Variants in TOGARAM2 observed in about 807,000 individuals in gnomAD.
TOGARAM2 encodes TOG array regulator of axonemal microtubules 2, also known as TOG array regulator of axonemal microtubules protein 2.
A neutral mutation model predicts 93.3 loss-of-function variants in TOGARAM2; 85 were observed. That is an observed-to-expected ratio of 0.91 (90% CI 0.76 to 1.09). The LOEUF (loss-of-function observed/expected upper bound fraction) is 1.09. Among genes scored for constraint, TOGARAM2 ranks in the 50% least tolerant of loss-of-function variants. The pLI is 0.00. For missense variants in TOGARAM2, 1,277 were observed against 1,334.5 expected (o/e 0.96, Z 0.67); for synonymous variants, 593 against 552.8 (o/e 1.07, Z -1.02).
chr2:29,041,735 C>G (rs1197908822), intron 18 of TOGARAM2, among the ~76,000 whole-genome samples: 2 of 152,180 alleles, frequency 1.3e-5, no homozygotes, highest in African/African-American at 4.8e-5. Flanking sequence ...CAAGGCCAGT[C>G]TTTGCCTCCT....
At chr2:29,009,083 T>C (rs1486043743) in intron 6 of TOGARAM2, among the ~76,000 whole-genome samples, 1 of 152,296 alleles carries the variant, frequency 6.6e-6, no homozygotes, top group East Asian at 1.9e-4. Context: ...AGCCAGGAAG[T>C]CATCAAGGTG....
At chr2:29,045,250 G>A in intron 18 of TOGARAM2, 74 bp from the exon 19 acceptor site, 1 of 1,204,046 alleles carries the variant, frequency 8.3e-7, no homozygotes, top group Non-Finnish European at 1.2e-6. Flanking sequence ...CTGTGGGTAT[G>A]TGGCCCTGCA....
chr2:28,964,042 G>T (rs1174165713), intron 1 of TOGARAM2, among the ~76,000 whole-genome samples: 1 of 152,136 alleles, frequency 6.6e-6, no homozygotes, highest in African/African-American at 2.4e-5. Context: ...ATTGTTGGGT[G>T]CAATGGTCTG....
In TOGARAM2 at chr2:29,017,290, C is replaced by G. The variant is rs1382582661; in HGVS notation, c.1181C>G (p.Ala394Gly). ...TCCCAGTGCCTGGGCTCCCAGAGAG[C>G]CTTCATGAAGGAAGGTACTGGGTGC... ...LTSQCLGSQR[A>G]FMKEGLLPLR... Residue 394 changes from alanine to glycine, a missense_variant, in exon 9 of 20, where the codon GCC (alanine) becomes GGC (glycine). Transcript: ENST00000379558. 1.2e-6 allele frequency: 2 copies of G among 1,607,678 alleles called. No homozygotes were observed. Among genetic ancestry groups the G allele is most frequent in the Non-Finnish European group, 8.5e-7 (1 of 1,177,260 alleles).
At chr2:28,989,476 C>A (rs1400737306) in intron 1 of TOGARAM2, among the ~76,000 whole-genome samples, 1 of 152,078 alleles carries the variant, frequency 6.6e-6, no homozygotes, top group Non-Finnish European at 1.5e-5. Context: ...CAGCTCACTG[C>A]AGCCTCAACC....
At position 29,017,972 on chromosome 2, in the gene TOGARAM2, T is replaced by G. The variant is rs1468771437; in HGVS notation, c.1360+16T>G. 7 of 1,583,598 alleles carry G rather than the reference T, an allele frequency of 4.4e-6. No individual in the cohort carries two copies. In the African/African-American group the frequency reaches 5.4e-5, roughly 12 times the overall value. On this transcript the variant is annotated intron_variant, in intron 10 of 19. Transcript: ENST00000379558. ...CACGCCTCAGGTGGGCAGGCCCGAC[T>G]GGCAGGCACACGTGTCCCTCTGCCC...
At chr2:28,965,456 G>A (rs1286185174) in intron 1 of TOGARAM2, among the ~76,000 whole-genome samples, 1 of 152,136 alleles carries the variant, frequency 6.6e-6, no homozygotes, top group Admixed American at 6.5e-5. Context: ...ATGGCTCTGG[G>A]GTTTATCATG....
chr2:28,994,552 G>A (rs146124910), intron 1 of TOGARAM2, among the ~76,000 whole-genome samples, 173 bp from the exon 2 acceptor site: 4 of 152,176 alleles, frequency 2.6e-5, no homozygotes, highest in African/African-American at 9.7e-5. Context: ...ACACGGCCTC[G>A]CACTTGGGAA....
intron 10 of TOGARAM2, 81 bp from the exon 11 acceptor site, chr2:29,022,077 G>A: frequency 6.3e-7 from 1 of 1,581,378 alleles, no homozygotes; most frequent in East Asian, 2.2e-5. Context: ...GCCTCCCATG[G>A]TGAGCGGTGG....
intron 4 of TOGARAM2, among the ~76,000 whole-genome samples, chr2:29,001,524 C>T (rs951244064): frequency 1.2e-4 from 18 of 150,648 alleles, no homozygotes; most frequent in East Asian, 1.9e-4. Flanking sequence ...TTTTTGAGAC[C>T]GAGTCTTGCT....
rs1457064952 is a variant in TOGARAM2, at chr2:29,002,767, G to A, written c.639+20G>A. The A allele has an allele frequency of 1.2e-6, 2 of 1,605,958 alleles. No individual in the cohort carries two copies. ...CAGGAGGTAAGGTGGTTCGACTGCT[G>A]TGAGTCTGGTCCTCAGCTTCTTGCC... On this transcript the variant is annotated intron_variant, in intron 5 of 19. Transcript: ENST00000379558.
At chr2:29,045,985 C>T (rs1324325746) in intron 19 of TOGARAM2, 1 of 162,700 alleles carries the variant, frequency 6.1e-6, no homozygotes, top group African/African-American at 2.4e-5. Flanking sequence ...GTGCATATGG[C>T]TTGGTCAGTT....
intron 7 of TOGARAM2, among the ~76,000 whole-genome samples, chr2:29,014,194 T>C (rs891371142): frequency 1.3e-5 from 2 of 152,220 alleles, no homozygotes; most frequent in Non-Finnish European, 2.9e-5. Context: ...AATGAACGAA[T>C]GGAGGGTGAT....
At chr2:28,969,503 C>G (rs12475511) in intron 1 of TOGARAM2, among the ~76,000 whole-genome samples, 189 of 152,280 alleles carry the variant, frequency 1.2e-3, no homozygotes, top group Admixed American at 9.3e-3. Flanking sequence ...ACTTGGGTCA[C>G]TCACACCAAT....
chr2:29,025,998 C>A (rs34503529), intron 13 of TOGARAM2, among the ~76,000 whole-genome samples: 5,191 of 152,190 alleles, frequency 0.034, 105 homozygotes, highest in Middle Eastern at 0.075. Flanking sequence ...AACCAGCCAG[C>A]CCCGAGGGGC....
In TOGARAM2 at chr2:29,014,502, T is replaced by C. The variant is rs1353788657; in HGVS notation, c.985T>C (p.Cys329Arg). 1 of 1,583,518 alleles carries C rather than the reference T, an allele frequency of 6.3e-7. No individual in the cohort carries two copies. The highest frequency in any genetic ancestry group is 8.6e-7 in the Non-Finnish European group (1 of 1,164,946). ...APTLTAFSFD[C>R]AREACPPLKE... is the part of the protein sequence containing the mutation. ...CACGCTGACAGCCTTCTCCTTTGAC[T>C]GTGCCAGAGAAGCCTGCCCTCCGCT... is the stretch of plus-strand genomic sequence containing the variant. Residue 329 changes from cysteine to arginine, a missense_variant, in exon 8 of 20, where the codon TGT (cysteine) becomes CGT (arginine). Transcript: ENST00000379558.
At position 29,052,202 on chromosome 2, in the gene TOGARAM2, A is replaced by G. The variant is rs1353194042; in HGVS notation, c.*109A>G. On this transcript the variant is annotated 3_prime_UTR_variant, in exon 20 of 20. Transcript: ENST00000379558. ...AGATGTACATGGTATATTTTGAAGTAGAAATAAAAGAATTACTTATTTTTC... is the reference window on the plus strand; with the variant it reads ...AGATGTACATGGTATATTTTGAAGTGGAAATAAAAGAATTACTTATTTTTC... 4.6e-6 allele frequency: 4 copies of G among 867,590 alleles called. No homozygotes were observed. Among genetic ancestry groups the G allele is most frequent in the Middle Eastern group, 2.4e-4 (1 of 4,226 alleles). The allele number at this position is 867,590 out of a possible 1,614,324, so 53.7% of individuals were successfully genotyped here.
At chr2:28,979,281 C>T (rs960978290), upstream of TOGARAM2, among the ~76,000 whole-genome samples, 1 of 152,236 alleles carries the variant, frequency 6.6e-6, no homozygotes, top group Admixed American at 6.5e-5. Flanking sequence ...GATTCGCTCT[C>T]TGTCCATGGT....
chr2:28,995,001 C>A, intron 2 of TOGARAM2, 139 bp downstream of exon 2: 1 of 965,928 alleles, frequency 1.0e-6, no homozygotes, highest in Non-Finnish European at 1.6e-6. Flanking sequence ...CCGTGCCTTT[C>A]CAGCCCTGGC....
Sources: allele counts gnomAD v4.1 joint callset (sites outside exome capture counted in the v4.1 genomes callset), GRCh38; gene constraint gnomAD v4.1.1; transcripts MANE v1.5; gene names NCBI Gene and HGNC (gene_info 2026-07-23, HGNC 2026-07-21).